The following UBE2E2 variants were observed in gnomAD, a reference collection of about 807,000 sequenced individuals.
UBE2E2 encodes ubiquitin conjugating enzyme E2 E2, also known as ubiquitin-conjugating enzyme E2 E2.
Under a neutral mutation model 24.7 loss-of-function variants are expected in UBE2E2, and 6 were observed. That is an observed-to-expected ratio of 0.24 (90% confidence interval 0.13 to 0.48). UBE2E2 has a LOEUF of 0.48. Ranked by LOEUF, UBE2E2 falls within the 20% of genes least tolerant of loss-of-function variation. The pLI is 0.99. For synonymous variants in UBE2E2, 104 were observed against 83.6 expected, an observed-to-expected ratio of 1.24 and a Z score of -1.33; for missense variants, 169 against 245.0, an observed-to-expected ratio of 0.69 and a Z score of 2.07.
At chr3:23,349,051 G>C (rs913248077) in intron 3 of UBE2E2, among the ~76,000 whole-genome samples, 1 of 152,146 alleles carries the variant, frequency 6.6e-6, no homozygotes, top group Non-Finnish European at 1.5e-5. Flanking sequence ...ACTGAAATTG[G>C]CTTGGTTTCA....
intron 3 of UBE2E2, among the ~76,000 whole-genome samples, chr3:23,262,587 T>G (rs1052372072): frequency 1.3e-5 from 2 of 152,036 alleles, no homozygotes; most frequent in Non-Finnish European, 2.9e-5. Context: ...GTGTAGGCCA[T>G]TTTAAAATCA....
At chr3:23,575,296 A>G (rs765970807) in intron 5 of UBE2E2, among the ~76,000 whole-genome samples, 2 of 152,214 alleles carry the variant, frequency 1.3e-5, no homozygotes, top group African/African-American at 2.4e-5. Context: ...TATGCTTACT[A>G]TATGTGATAA....
chr3:23,266,520 C>T lies in UBE2E2; in HGVS notation c.227+49208C>T, dbSNP rs540357321. 3.8e-3 allele frequency among the ~76,000 whole-genome samples: 584 copies of T among 152,244 alleles called. 3 individuals are homozygous for T. The highest frequency in any genetic ancestry group is 0.013 in the African/African-American group (558 of 41,532). ...TTCTGCCGAGAGATCAGCTGTTAGT[C>T]TGATGGGCTTCCCTTTGTGGGTAAC... On this transcript the variant is annotated intron_variant, in intron 3 of 5. Coordinates refer to ENST00000396703, the MANE Select transcript of UBE2E2 (RefSeq NM_152653.4).
At chr3:23,316,615 C>T (rs1057417241) in intron 3 of UBE2E2, among the ~76,000 whole-genome samples, 7 of 151,516 alleles carry the variant, frequency 4.6e-5, no homozygotes, top group African/African-American at 7.3e-5. Flanking sequence ...CTATTGTGGC[C>T]GGGCACAAGA....
chr3:23,238,186 T>C (rs1051702363), intron 3 of UBE2E2, among the ~76,000 whole-genome samples: 31 of 152,236 alleles, frequency 2.0e-4, no homozygotes, highest in African/African-American at 7.5e-4. Context: ...GAAGGAAGTG[T>C]GGTATAGTAG....
At chr3:23,218,654 G>T (rs926493352) in intron 3 of UBE2E2, among the ~76,000 whole-genome samples, 2 of 151,744 alleles carry the variant, frequency 1.3e-5, no homozygotes, top group African/African-American at 4.8e-5. Context: ...ACACTTCTTT[G>T]CTTAAATTTT....
chr3:23,442,783 G>A (rs1047510693), intron 3 of UBE2E2, among the ~76,000 whole-genome samples: 3 of 152,156 alleles, frequency 2.0e-5, no homozygotes, highest in South Asian at 2.1e-4. Flanking sequence ...GCATAGATAA[G>A]GGGGCGTGGT....
At chr3:23,300,400 A>C (rs1276137063) in intron 3 of UBE2E2, among the ~76,000 whole-genome samples, 2 of 152,154 alleles carry the variant, frequency 1.3e-5, no homozygotes, top group East Asian at 3.9e-4. Flanking sequence ...ACAATTTGGC[A>C]TGTTTTTGCA....
chr3:23,409,326 C>T (rs1697445552), intron 3 of UBE2E2, among the ~76,000 whole-genome samples: 1 of 152,076 alleles, frequency 6.6e-6, no homozygotes, highest in Non-Finnish European at 1.5e-5. Context: ...TGATGTAATG[C>T]CAAACCAAAG....
intron 3 of UBE2E2, among the ~76,000 whole-genome samples, chr3:23,251,700 A>G (rs1697578692): frequency 6.6e-6 from 1 of 152,258 alleles, no homozygotes; most frequent in Non-Finnish European, 1.5e-5. Context: ...CATGTATGCA[A>G]ACAGTATTCC....
chr3:23,589,913 C>A lies in UBE2E2; in HGVS notation c.*82C>A. 7.6e-7 allele frequency: 1 copy of A among 1,322,294 alleles called. No individual in the cohort carries two copies. Among genetic ancestry groups the A allele is most frequent in the Non-Finnish European group, 1.1e-6 (1 of 939,066 alleles). The allele number at this position is 1,322,294 out of a possible 1,614,324, so 81.9% of individuals were successfully genotyped here. A position where few individuals can be genotyped will look rare whatever the true frequency, so the allele number is the denominator to read the frequency against. On this transcript the variant is annotated 3_prime_UTR_variant, in exon 6 of 6. Coordinates refer to ENST00000396703, the MANE Select transcript of UBE2E2 (RefSeq NM_152653.4). The surrounding 1 kb of genome is among the most constrained non-coding windows in gnomAD (Gnocchi z 4.1). ...GGTAGCCCTGCCCACCCCTCCAGAC[C>A]TCGGTTCTTATTTTCCTATTTTTAT...
At chr3:23,281,578 C>CAG (rs1275330032) in intron 3 of UBE2E2, among the ~76,000 whole-genome samples, 2 of 152,166 alleles carry the variant, frequency 1.3e-5, no homozygotes, top group Non-Finnish European at 2.9e-5. Context: ...TTGTAGGCTG[C>CAG]AGTGAGCTGT....
intron 3 of UBE2E2, among the ~76,000 whole-genome samples, chr3:23,432,316 TTGTA>T (rs1295578002): frequency 1.3e-5 from 2 of 152,054 alleles, no homozygotes; most frequent in African/African-American, 4.8e-5. Context: ...CAATTATTAT[TTGTA>T]TGAGGATTCT....
chr3:23,239,194 A>C (rs945579212), intron 3 of UBE2E2, among the ~76,000 whole-genome samples: 1 of 152,124 alleles, frequency 6.6e-6, no homozygotes, highest in African/African-American at 2.4e-5. Flanking sequence ...ATAGTGATCA[A>C]TTATGGAACT....
chr3:23,303,642 G>A (rs1677018300), intron 3 of UBE2E2, among the ~76,000 whole-genome samples: 1 of 152,122 alleles, frequency 6.6e-6, no homozygotes, highest in Non-Finnish European at 1.5e-5. Context: ...GACACGTTAT[G>A]CATGAGTGAG....
At chr3:23,482,710 C>A (rs778385512) in intron 3 of UBE2E2, among the ~76,000 whole-genome samples, 9 of 151,792 alleles carry the variant, frequency 5.9e-5, no homozygotes, top group Non-Finnish European at 1.0e-4. Context: ...AAAGCCACTG[C>A]AAAGTTTTAG....
intron 3 of UBE2E2, among the ~76,000 whole-genome samples, chr3:23,235,718 G>T (rs1192509614): frequency 1.3e-5 from 2 of 152,066 alleles, no homozygotes; most frequent in African/African-American, 4.8e-5. Context: ...GCAGAGTTAG[G>T]GGGACTGTTA....
At chr3:23,314,347 C>T (rs938180550) in intron 3 of UBE2E2, among the ~76,000 whole-genome samples, 2 of 152,104 alleles carry the variant, frequency 1.3e-5, no homozygotes, top group Non-Finnish European at 2.9e-5. Flanking sequence ...CCAGGCTGGT[C>T]TCATACTCCT....
intron 4 of UBE2E2, among the ~76,000 whole-genome samples, chr3:23,524,857 G>GACACACAGACACAC (rs1694955497): frequency 7.8e-6 from 1 of 128,684 alleles, no homozygotes; most frequent in Non-Finnish European, 1.6e-5. Context: ...GATACACACA[G>GACACACAGACACAC]ACACACAGAC....
Sources: gnomAD v4.1 joint callset for allele counts (sites outside exome capture counted in the v4.1 genomes callset) on GRCh38, gnomAD v4.1.1 for gene constraint, Gnocchi (gnomAD v3.1) non-coding constraint, MANE v1.5 for transcripts, NCBI Gene and HGNC (gene_info 2026-07-23, HGNC 2026-07-21) for gene names.